The following RGS5 variants were observed in gnomAD, a reference collection of about 807,000 sequenced individuals.
RGS5 encodes regulator of G protein signaling 5.
A neutral mutation model predicts 18.9 loss-of-function variants in RGS5; 20 were observed. The observed-to-expected ratio is 1.06, with a 90% CI of 0.74 to 1.54. The LOEUF (loss-of-function observed/expected upper bound fraction) is 1.54, where lower values mean the gene tolerates loss of function less well. Among genes scored for constraint, RGS5 ranks in the 40% most tolerant of loss-of-function variants. The pLI is 0.00. For synonymous variants in RGS5, 57 were observed against 76.2 expected (o/e 0.75, Z 1.31); for missense variants, 201 against 211.8 (o/e 0.95, Z 0.32).
chr1:163,219,509 C>T (rs896809382), upstream of RGS5, among the ~76,000 whole-genome samples: 1 of 152,100 alleles, frequency 6.6e-6, no homozygotes, highest in African/African-American at 2.4e-5. Flanking sequence ...AGTGTGTTCA[C>T]AAGATCTAAA....
chr1:163,224,875 G>A (rs1647300293), intron 2 of RGS5, among the ~76,000 whole-genome samples: 2 of 151,900 alleles, frequency 1.3e-5, no homozygotes, highest in Admixed American at 1.3e-4. Context: ...TTGGCCATCA[G>A]ACTTTTTTTT....
chr1:163,298,161 A>G (rs1268578194), intron 2 of RGS5, among the ~76,000 whole-genome samples: 1 of 152,172 alleles, frequency 6.6e-6, no homozygotes. Context: ...ACATATAAAT[A>G]TGAAATATGT....
Position 163,142,837 on chromosome 1 carries a change from G to A in RGS5, c.*4505C>T, listed in dbSNP as rs1039847046. ...AGGTGGGGAGGAAAAAAATACCTCA[G>A]GTGAGAGAACAAGTAACTTGCAAGA... On this transcript the variant is annotated 3_prime_UTR_variant, in exon 5 of 5. Coordinates refer to ENST00000313961, the MANE Select transcript of RGS5 (RefSeq NM_003617.4). The A allele has an allele frequency of 2.6e-5, 4 of 152,142 alleles. No individual in the cohort carries two copies. The highest frequency in any genetic ancestry group is 9.7e-5 in the African/African-American group (4 of 41,428). The allele number at this position is 152,142 out of a possible 1,614,324, so 9.4% of individuals were successfully genotyped here. A position where few individuals can be genotyped will look rare whatever the true frequency, so the allele number is the denominator to read the frequency against.
At chr1:163,218,501 T>C (rs370021436), upstream of RGS5, among the ~76,000 whole-genome samples, 4 of 152,100 alleles carry the variant, frequency 2.6e-5, no homozygotes, top group East Asian at 7.7e-4. Flanking sequence ...ACACCTATAT[T>C]ACATCATGTG....
intron 1 of RGS5, chr1:163,318,767 A>C (rs1650097581): frequency 6.6e-6 from 1 of 152,186 alleles, no homozygotes; most frequent in Non-Finnish European, 1.5e-5. Flanking sequence ...CAATGATACC[A>C]AATGCAAAAG....
rs139135609 is a variant in RGS5, at chr1:163,194,702, GAGAT to G, written c.44+8086_44+8089del. ...TAAACAGGAAGCCTATTGACTGAGAGAGATATAAGATTAAGAAATCTCAATGTGT... is the reference window on the plus strand; with the variant it reads ...TAAACAGGAAGCCTATTGACTGAGAGATAAGATTAAGAAATCTCAATGTGT... On this transcript the variant is annotated intron_variant, in intron 1 of 4. Coordinates refer to ENST00000313961, the MANE Select transcript of RGS5 (RefSeq NM_003617.4). Among the ~76,000 whole-genome samples, 1,091 of 152,152 alleles carry G rather than the reference GAGAT, an allele frequency of 7.2e-3. 17 individuals carry two copies. Among genetic ancestry groups the G allele is most frequent in the African/African-American group, 0.025 (1,045 of 41,508 alleles).
exon 1 of RGS5, chr1:163,321,636 C>T (rs1343970362): frequency 6.6e-6 from 1 of 152,190 alleles, no homozygotes; most frequent in Non-Finnish European, 1.5e-5. Flanking sequence ...GTACTTCCTC[C>T]CTTGTCACCC....
At chr1:163,281,561 A>T (rs1055497954) in intron 2 of RGS5, among the ~76,000 whole-genome samples, 1 of 152,178 alleles carries the variant, frequency 6.6e-6, no homozygotes, top group Non-Finnish European at 1.5e-5. Context: ...GCACTAAGCC[A>T]TTCATGAGGG....
chr1:163,294,092 A>G (rs1305948954), intron 2 of RGS5, among the ~76,000 whole-genome samples: 1 of 152,070 alleles, frequency 6.6e-6, no homozygotes, highest in Non-Finnish European at 1.5e-5. Flanking sequence ...ATGTCAGTGG[A>G]TCTACCATTC....
chr1:163,220,097 TC>T (rs1266133291), upstream of RGS5, among the ~76,000 whole-genome samples: 1 of 152,204 alleles, frequency 6.6e-6, no homozygotes, highest in Non-Finnish European at 1.5e-5. Flanking sequence ...TTTTAGCTAT[TC>T]TTTTGCTTGT....
At chr1:163,276,842 A>G (rs796152881) in intron 2 of RGS5, among the ~76,000 whole-genome samples, 3 of 152,332 alleles carry the variant, frequency 2.0e-5, no homozygotes, top group African/African-American at 7.2e-5. Context: ...TAAACCAAAA[A>G]TAAAATTCCA....
chr1:163,225,054 T>G (rs1026968701), intron 2 of RGS5, among the ~76,000 whole-genome samples: 4 of 152,222 alleles, frequency 2.6e-5, no homozygotes, highest in African/African-American at 9.6e-5. Context: ...TGGTCTATTC[T>G]TACTTTTGTT....
intron 1 of RGS5, among the ~76,000 whole-genome samples, chr1:163,310,014 T>A (rs1458797510): frequency 6.6e-6 from 1 of 152,130 alleles, no homozygotes; most frequent in African/African-American, 2.4e-5. Flanking sequence ...ATGAAATAAA[T>A]CTCTTTTTTC....
chr1:163,266,813 T>C (rs532385598), intron 2 of RGS5: 3 of 152,284 alleles, frequency 2.0e-5, no homozygotes, highest in African/African-American at 7.2e-5. Context: ...AGGCATATCT[T>C]ATATGCTCAA....
At chr1:163,285,606 G>A (rs538830541) in intron 2 of RGS5, among the ~76,000 whole-genome samples, 1 of 152,108 alleles carries the variant, frequency 6.6e-6, no homozygotes, top group African/African-American at 2.4e-5. Flanking sequence ...TAAAAACATG[G>A]TTCAGCTCTG....
chr1:163,274,339 A>AATAAGATACAGAGAGCTTCTACG (rs1648797802), intron 2 of RGS5, among the ~76,000 whole-genome samples: 10 of 152,028 alleles, frequency 6.6e-5, no homozygotes, highest in Admixed American at 3.3e-4. Context: ...AAAACTCTTG[A>AATAAGATACAGAGAGCTTCTACG]GCAATAAGAT....
At chr1:163,251,786 A>G (rs532837072) in intron 2 of RGS5, among the ~76,000 whole-genome samples, 1 of 152,230 alleles carries the variant, frequency 6.6e-6, no homozygotes, top group Non-Finnish European at 1.5e-5. Context: ...GTCTTTTGAG[A>G]TTGACTTACT....
chr1:163,291,634 C>G (rs775619460), intron 2 of RGS5, among the ~76,000 whole-genome samples: 1 of 152,108 alleles, frequency 6.6e-6, no homozygotes, highest in African/African-American at 2.4e-5. Context: ...GTCTGACAAC[C>G]GATAGTTCCA....
upstream of RGS5, among the ~76,000 whole-genome samples, chr1:163,207,126 T>C (rs1659972648): frequency 1.3e-5 from 2 of 152,184 alleles, no homozygotes; most frequent in Admixed American, 1.3e-4. Flanking sequence ...GAAAACCCTC[T>C]GATCATATAA....
Sources: allele counts gnomAD v4.1 joint callset (sites outside exome capture counted in the v4.1 genomes callset), GRCh38; gene constraint gnomAD v4.1.1; transcripts MANE v1.5; gene names NCBI Gene and HGNC (gene_info 2026-07-23, HGNC 2026-07-21).